APLP1: variants seen among roughly 807,000 people sequenced by gnomAD.
APLP1 encodes amyloid beta (A4) precursor-like protein 1.
Under a neutral mutation model 84.5 loss-of-function variants are expected in APLP1, and 46 were observed. The observed-to-expected ratio is 0.54, with a 90% CI of 0.43 to 0.70. The LOEUF (loss-of-function observed/expected upper bound fraction) is 0.70. Among genes scored for constraint, APLP1 ranks in the 30% least tolerant of loss-of-function variants. APLP1 has a pLI of 0.00. For missense variants in APLP1, 826 were observed against 900.2 expected (o/e 0.92, Z 1.05); for synonymous variants, 376 against 364.0 (o/e 1.03, Z -0.38).
At position 35,873,731 on chromosome 19, in the gene APLP1, G is replaced by A. The variant is rs779098101; in HGVS notation, c.1056+18G>A. ...TGAATGAGGTAGGACAGCCCCAGTG[G>A]GTCCTACTCATGCCTGTCCACCACC... On this transcript the variant is annotated intron_variant, in intron 8 of 16. Coordinates refer to ENST00000221891, the MANE Select transcript of APLP1 (RefSeq NM_001024807.3). 6.2e-7 allele frequency: 1 copy of A among 1,610,840 alleles called. No individual in the cohort carries two copies. The highest frequency in any genetic ancestry group is 8.5e-7 in the Non-Finnish European group (1 of 1,177,958).
Position 35,874,612 on chromosome 19 carries a change from C to G in APLP1, c.1165C>G (p.Arg389Gly). The change falls in exon 9 of 17, where the codon CGG (arginine) becomes GGG (glycine). Residue 389 changes from arginine to glycine, a missense_variant. Physicochemically the swap from Arg to Gly is moderately radical, Grantham distance 125 (BLOSUM62 -2). Transcript: ENST00000221891. The surrounding 1 kb of genome is among the most constrained non-coding windows in gnomAD (Gnocchi z 6.4). ...CATCGCCCTTATCAACGACCAGCGCCGGGCTGCCTTGGAGGGCTTCCTGGC... is the reference window on the plus strand; with the variant it reads ...CATCGCCCTTATCAACGACCAGCGCGGGGCTGCCTTGGAGGGCTTCCTGGC... ...RVIALINDQRRAALEGFLAAL... is the reference protein window; with the variant it reads ...RVIALINDQRGAALEGFLAAL... The G allele has an allele frequency of 6.2e-7, 1 of 1,613,966 alleles. No individual in the cohort carries two copies. The highest frequency in any genetic ancestry group is 8.5e-7 in the Non-Finnish European group (1 of 1,180,042).
chr19:35,874,148 G>C lies in APLP1; in HGVS notation c.1057-356G>C, dbSNP rs952757028. Reference sequence around the variant, plus strand: ...ATGTTAGCCCCCATTCCAGCTCTTTGTCCCACCCCTATCGTGTCATTTATA... The same window carrying C: ...ATGTTAGCCCCCATTCCAGCTCTTTCTCCCACCCCTATCGTGTCATTTATA... On this transcript the variant is annotated intron_variant, in intron 8 of 16. Transcript: ENST00000221891. The surrounding 1 kb of genome is among the most constrained non-coding windows in gnomAD (Gnocchi z 6.4). 1.3e-5 allele frequency among the ~76,000 whole-genome samples: 2 copies of C among 151,982 alleles called. No individual in the cohort carries two copies. Among genetic ancestry groups the C allele is most frequent in the South Asian group, 4.2e-4 (2 of 4,814 alleles).
At position 35,871,458 on chromosome 19, in the gene APLP1, C is replaced by T. The variant is rs539227389; in HGVS notation, c.537+109C>T. On this transcript the variant is annotated intron_variant, in intron 4 of 16. Coordinates refer to ENST00000221891, the MANE Select transcript of APLP1 (RefSeq NM_001024807.3). ...GTCTGGGCCACCAGCATCCTCTTCG[C>T]ACTTGGGATCTAAGAATTTCATCCC... The T allele has an allele frequency of 4.5e-6, 6 of 1,342,856 alleles. No homozygotes were observed. In the East Asian group the frequency reaches 7.3e-5, roughly 16 times the overall value. The allele number at this position is 1,342,856 out of a possible 1,614,324, so 83.2% of individuals were successfully genotyped here.
chr19:35,873,704 C>G lies in APLP1; in HGVS notation c.1047C>G (p.Ala349=), dbSNP rs530706569. The part of the protein sequence containing the change: ...SKNLPKADRQ[A]LNEHFQSILQ... Reference sequence around the variant, plus strand: ...ACCTGCCTAAAGCCGACAGACAGGCCCTGAATGAGGTAGGACAGCCCCAGT... The same window carrying G: ...ACCTGCCTAAAGCCGACAGACAGGCGCTGAATGAGGTAGGACAGCCCCAGT... Residue 349 remains alanine (A), a synonymous_variant, in exon 8 of 17, where the codon GCC becomes GCG. Transcript: ENST00000221891. 3.7e-6 allele frequency: 6 copies of G among 1,613,976 alleles called. No individual in the cohort carries two copies. The highest frequency in any genetic ancestry group is 5.1e-6 in the Non-Finnish European group (6 of 1,179,948).
Position 35,871,300 on chromosome 19 carries a change from G to T in APLP1, c.488G>T (p.Arg163Leu), listed in dbSNP as rs1185260129. ...GGCTGCCGGTTCTTGCACCAGGAGC[G>T]CATGGACCAATGTGAGAGTTCAACC... ...PEGCRFLHQE[R>L]MDQCESSTRR... The change falls in exon 4 of 17, where the codon CGC becomes CTC. Residue 163 changes from arginine (R) to leucine (L), a missense_variant. By Grantham distance (102) the Arg-to-Leu change is moderately radical (BLOSUM62 -2). Coordinates refer to ENST00000221891, the MANE Select transcript of APLP1 (RefSeq NM_001024807.3). 10 of 1,613,088 alleles carry T rather than the reference G, an allele frequency of 6.2e-6. No individual in the cohort carries two copies. In the South Asian group the frequency reaches 6.6e-5, roughly 11 times the overall value.
intron 2 of APLP1, chr19:35,870,142 A>C: frequency 4.8e-5 from 15 of 312,136 alleles, no homozygotes; most frequent in East Asian, 6.6e-5. Context: ...GTGGAGCCCA[A>C]TGAGAGCGCG....
Position 35,868,627 on chromosome 19 carries a change from G to T in APLP1, c.-10G>T. ...GAGTGCAGGGGACGTGAGGGCGCAAGGGCCGGGACATGGGGCCCGCCAGCC... is the reference window on the plus strand; with the variant it reads ...GAGTGCAGGGGACGTGAGGGCGCAATGGCCGGGACATGGGGCCCGCCAGCC... On this transcript the variant is annotated 5_prime_UTR_variant, in exon 1 of 17. In the 5' UTR this introduces an upstream ATG that the reference lacks. Coordinates refer to ENST00000221891, the MANE Select transcript of APLP1 (RefSeq NM_001024807.3). The surrounding 1 kb of genome is among the most constrained non-coding windows in gnomAD (Gnocchi z 5.2). The T allele has an allele frequency of 7.6e-7, 1 of 1,319,470 alleles. No individual in the cohort carries two copies. The highest frequency in any genetic ancestry group is 2.0e-5 in the South Asian group (1 of 49,580). The allele number at this position is 1,319,470 out of a possible 1,614,324, so 81.7% of individuals were successfully genotyped here. A position where few individuals can be genotyped will look rare whatever the true frequency, so the allele number is the denominator to read the frequency against.
At position 35,868,628 on chromosome 19, in the gene APLP1, G is replaced by C. The variant is rs1599879272; in HGVS notation, c.-9G>C. 1 of 1,340,124 alleles carries C rather than the reference G, an allele frequency of 7.5e-7. No individual in the cohort carries two copies. Among genetic ancestry groups the C allele is most frequent in the East Asian group, 3.1e-5 (1 of 31,756 alleles). 83.0% of individuals were successfully genotyped at this position (1,340,124 alleles called of 1,614,324 possible). On this transcript the variant is annotated 5_prime_UTR_variant, in exon 1 of 17. Transcript: ENST00000221891. The surrounding 1 kb of genome is among the most constrained non-coding windows in gnomAD (Gnocchi z 5.2). The stretch of plus-strand genomic sequence containing the variant: ...AGTGCAGGGGACGTGAGGGCGCAAG[G>C]GCCGGGACATGGGGCCCGCCAGCCC...
chr19:35,875,705 C>T (rs1005545941), intron 10 of APLP1, among the ~76,000 whole-genome samples: 4 of 152,210 alleles, frequency 2.6e-5, no homozygotes, highest in Non-Finnish European at 5.9e-5. Flanking sequence ...AGGTGATCTG[C>T]CTGCCTTGGC....
At position 35,874,029 on chromosome 19, in the gene APLP1, A is replaced by G. The variant is rs936912404; in HGVS notation, c.1056+316A>G. ...GGCCTTCTTGGTCTCTCTTTGATGC[A>G]TTTATGTCTCTATCAGGCCCCGCCC... On this transcript the variant is annotated intron_variant, in intron 8 of 16. Coordinates refer to ENST00000221891, the MANE Select transcript of APLP1 (RefSeq NM_001024807.3). The surrounding 1 kb of genome is among the most constrained non-coding windows in gnomAD (Gnocchi z 6.4). Among the ~76,000 whole-genome samples, 1 of 152,162 alleles carries G rather than the reference A, an allele frequency of 6.6e-6. No individual in the cohort carries two copies. Among genetic ancestry groups the G allele is most frequent in the Non-Finnish European group, 1.5e-5 (1 of 68,000 alleles).
Position 35,877,763 on chromosome 19 carries a change from C to T in APLP1, c.1490C>T (p.Ala497Val). The T allele has an allele frequency of 6.2e-7, 1 of 1,608,428 alleles. No homozygotes were observed. Among genetic ancestry groups the T allele is most frequent in the Non-Finnish European group, 8.5e-7 (1 of 1,178,582 alleles). ...SEHLGPSELEAPAPGGSSEDK... is the reference protein window; with the variant it reads ...SEHLGPSELEVPAPGGSSEDK... ...CACCTGGGTCCCAGTGAATTGGAAG[C>T]CCCTGCCCCTGGGGGCAGCAGCGAG... The change falls in exon 12 of 17, where the codon GCC becomes GTC. Residue 497 changes from alanine (A) to valine (V), a missense_variant. By Grantham distance (64) the Ala-to-Val change is moderately conservative. This residue lies in a region of APLP1 where 433 missense variants were observed against 496.5 expected (regional missense o/e 0.87). Transcript: ENST00000221891.
Position 35,869,699 on chromosome 19 carries a change from C to T in APLP1, c.180C>T (p.Cys60=). ...GGTCGGCCCAGGTGGCTGGACTATGCGGGCGCCTAACCCTTCACCGGGACC... is the reference window on the plus strand; with the variant it reads ...GGTCGGCCCAGGTGGCTGGACTATGTGGGCGCCTAACCCTTCACCGGGACC... ...APGSAQVAGL[C]GRLTLHRDLR... is the part of the protein sequence containing the mutation. Residue 60 remains cysteine, a synonymous_variant, in exon 2 of 17, where the codon TGC becomes TGT. Transcript: ENST00000221891. 1.2e-6 allele frequency: 2 copies of T among 1,611,494 alleles called. No homozygotes were observed. Among genetic ancestry groups the T allele is most frequent in the South Asian group, 1.1e-5 (1 of 90,906 alleles).
intron 7 of APLP1, among the ~76,000 whole-genome samples, chr19:35,873,403 G>A (rs1336570333): frequency 6.6e-6 from 1 of 151,596 alleles, no homozygotes; most frequent in African/African-American, 2.4e-5. Context: ...ACCCACCACA[G>A]CGCCCAGATA....
intron 7 of APLP1, among the ~76,000 whole-genome samples, chr19:35,873,077 C>G (rs1204936750): frequency 1.3e-5 from 2 of 151,828 alleles, no homozygotes; most frequent in Admixed American, 1.3e-4. Context: ...CCAGGATGGT[C>G]TTGAACTCCC....
chr19:35,874,667 G>T lies in APLP1; in HGVS notation c.1215+5G>T. ...CTGCAGGCAGATCCGCCTCAGGTGC[G>T]GGGACCGTGGGGGCAGAGAGCAGAG... is the stretch of plus-strand genomic sequence containing the variant. On this transcript the variant is annotated splice_donor_5th_base_variant and intron_variant, in intron 9 of 16. Coordinates refer to ENST00000221891, the MANE Select transcript of APLP1 (RefSeq NM_001024807.3). The surrounding 1 kb of genome is among the most constrained non-coding windows in gnomAD (Gnocchi z 6.4). The T allele has an allele frequency of 6.2e-7, 1 of 1,613,336 alleles. No individual in the cohort carries two copies. Among genetic ancestry groups the T allele is most frequent in the Non-Finnish European group, 8.5e-7 (1 of 1,179,828 alleles).
chr19:35,873,625 C>A lies in APLP1; in HGVS notation c.982-14C>A. The A allele has an allele frequency of 6.2e-7, 1 of 1,613,950 alleles. No homozygotes were observed. The highest frequency in any genetic ancestry group is 8.5e-7 in the Non-Finnish European group (1 of 1,179,906). The stretch of plus-strand genomic sequence containing the variant: ...GGTGGATTCTGGGATCCTGAAGCTC[C>A]CCTCCCTATGCAGGTGATGCGTGAA... On this transcript the variant is annotated splice_polypyrimidine_tract_variant and intron_variant, in intron 7 of 16. Transcript: ENST00000221891.
rs1974150244 is a variant in APLP1 at position 35,871,656 on chromosome 19, C to T, written c.582C>T (p.Leu194=). 1.2e-6 allele frequency: 2 copies of T among 1,614,070 alleles called. No homozygotes were observed. The highest frequency in any genetic ancestry group is 8.5e-7 in the Non-Finnish European group (1 of 1,179,972). ...QGLILHGSGM[L]LPCGSDRFRG... ...TCATCCTGCACGGCTCGGGCATGCT[C>T]TTACCCTGTGGCTCGGATCGGTTCC... Residue 194 remains leucine, a synonymous_variant, in exon 5 of 17, where the codon CTC becomes CTT. Coordinates refer to ENST00000221891, the MANE Select transcript of APLP1 (RefSeq NM_001024807.3).
Position 35,879,489 on chromosome 19 carries a change from TG to T in APLP1, c.*50del. The T allele has an allele frequency of 6.4e-7, 1 of 1,561,166 alleles. No homozygotes were observed. The highest frequency in any genetic ancestry group is 8.8e-7 in the Non-Finnish European group (1 of 1,135,422). On this transcript the variant is annotated 3_prime_UTR_variant, in exon 17 of 17. Coordinates refer to ENST00000221891, the MANE Select transcript of APLP1 (RefSeq NM_001024807.3). ...GCCGAGCCCAGACCTCCCCTCTTCC[TG>T]GAGCCCCAGAACCCCAACTCCCAGC...
intron 6 of APLP1, 132 bp from the exon 7 acceptor site, chr19:35,872,351 T>C (rs943027927): frequency 5.6e-6 from 7 of 1,257,380 alleles, no homozygotes; most frequent in Non-Finnish European, 7.7e-6. Context: ...TCTCCCATAA[T>C]GCCAGGCAGC....
Sources: gnomAD v4.1 joint callset for allele counts (sites outside exome capture counted in the v4.1 genomes callset) on GRCh38, gnomAD v4.1.1 for gene constraint, gnomAD v4.1.1 regional missense constraint, Gnocchi (gnomAD v3.1) non-coding constraint, MANE v1.5 for transcripts, NCBI Gene and HGNC (gene_info 2026-07-23, HGNC 2026-07-21) for gene names.